Variants in SLC8A1 observed in about 807,000 individuals in gnomAD.
SLC8A1 encodes solute carrier family 8 member A1.
SLC8A1 carries 18 observed loss-of-function variants against 68.3 expected under a neutral mutation model. That is an observed-to-expected ratio of 0.26 (90% confidence interval 0.18 to 0.39). SLC8A1 has a LOEUF of 0.39. Ranked by LOEUF, SLC8A1 falls within the 10% of genes least tolerant of loss-of-function variation. The pLI is 1.00. For synonymous variants in SLC8A1, 475 were observed against 415.5 expected, an observed-to-expected ratio of 1.14 and a Z score of -1.74; for missense variants, 985 against 1,156.7, an observed-to-expected ratio of 0.85 and a Z score of 2.15.
Position 40,247,448 on chromosome 2 carries a change from G to C in SLC8A1, c.1809-69593C>G, listed in dbSNP as rs1019894148. Among the ~76,000 whole-genome samples, 3 of 147,672 alleles carry C rather than the reference G, an allele frequency of 2.0e-5. No homozygotes were observed. In the South Asian group the frequency reaches 6.3e-4, roughly 31 times the overall value. On this transcript the variant is annotated intron_variant, in intron 2 of 7. Transcript: ENST00000406785. ...ACAGCATATATATGTGTGTGTGTGT[G>C]TGTGTGTGGAGAGAGAGAGACAGAT...
intron 2 of SLC8A1, among the ~76,000 whole-genome samples, chr2:40,310,909 T>C (rs2073551436): frequency 1.3e-5 from 2 of 152,200 alleles, no homozygotes; most frequent in Non-Finnish European, 2.9e-5. Flanking sequence ...TATTTTTATA[T>C]TAGCTTAAAA....
chr2:40,274,119 C>A (rs1448683819), intron 2 of SLC8A1, among the ~76,000 whole-genome samples: 1 of 150,306 alleles, frequency 6.7e-6, no homozygotes, highest in Admixed American at 6.7e-5. Flanking sequence ...AGTCTGGAGT[C>A]AGAGGGCCCT....
intron 2 of SLC8A1, among the ~76,000 whole-genome samples, chr2:40,283,404 A>G (rs1359762193): frequency 1.3e-5 from 2 of 152,196 alleles, no homozygotes; most frequent in Non-Finnish European, 2.9e-5. Flanking sequence ...AGAATAACGA[A>G]CAGTTATTTG....
chr2:40,280,591 C>T (rs914753100), intron 2 of SLC8A1, among the ~76,000 whole-genome samples: 6 of 152,176 alleles, frequency 3.9e-5, no homozygotes, highest in African/African-American at 1.4e-4. Flanking sequence ...AGCAGAGTGA[C>T]ATTCAGGCAC....
At chr2:40,128,088 TG>T (rs1205447275) in intron 7 of SLC8A1, among the ~76,000 whole-genome samples, 1 of 152,248 alleles carries the variant, frequency 6.6e-6, no homozygotes, top group Non-Finnish European at 1.5e-5. Flanking sequence ...GGAGCAGTGA[TG>T]GGATTCCAGC....
intron 2 of SLC8A1, among the ~76,000 whole-genome samples, chr2:40,203,977 A>C (rs1445964720): frequency 6.6e-6 from 1 of 151,956 alleles, no homozygotes; most frequent in East Asian, 1.9e-4. Context: ...TGGCCTCCCA[A>C]AGTGCTGGGA....
chr2:40,165,641 A>G (rs2046421375), intron 4 of SLC8A1, among the ~76,000 whole-genome samples: 1 of 152,204 alleles, frequency 6.6e-6, no homozygotes, highest in Non-Finnish European at 1.5e-5. Context: ...TTAATCTTAA[A>G]GTAAACAGGG....
Position 40,153,043 on chromosome 2 carries a change from C to T in SLC8A1, c.2161+7722G>A, listed in dbSNP as rs542276538. 1.4e-4 allele frequency among the ~76,000 whole-genome samples: 21 copies of T among 152,110 alleles called. 1 individual carries two copies. Among genetic ancestry groups the T allele is most frequent in the African/African-American group, 5.1e-4 (21 of 41,498 alleles). ...CAAATTCAATTTTGTCAGTACATTTCAAACCGAGAAAATGTCCTAAATGTA... is the reference window on the plus strand; with the variant it reads ...CAAATTCAATTTTGTCAGTACATTTTAAACCGAGAAAATGTCCTAAATGTA... On this transcript the variant is annotated intron_variant, in intron 6 of 7. Coordinates refer to ENST00000406785, the Ensembl canonical transcript of SLC8A1.
At chr2:40,307,604 C>T (rs1387961087) in intron 2 of SLC8A1, among the ~76,000 whole-genome samples, 1 of 152,128 alleles carries the variant, frequency 6.6e-6, no homozygotes, top group African/African-American at 2.4e-5. Context: ...AAAATAACAT[C>T]CCATTTTGGT....
intron 2 of SLC8A1, among the ~76,000 whole-genome samples, chr2:40,226,742 G>A (rs1179435410): frequency 1.3e-5 from 2 of 152,118 alleles, no homozygotes; most frequent in African/African-American, 4.8e-5. Context: ...AGCAAATGCA[G>A]GCATCCAACT....
intron 1 of SLC8A1, among the ~76,000 whole-genome samples, chr2:40,431,166 G>T (rs1698198968): frequency 6.6e-6 from 1 of 151,952 alleles, no homozygotes; most frequent in Non-Finnish European, 1.5e-5. Context: ...AGGCTGGAAA[G>T]GGAGATAAAC....
At chr2:40,149,977 G>A (rs1357664653) in intron 6 of SLC8A1, among the ~76,000 whole-genome samples, 5 of 149,954 alleles carry the variant, frequency 3.3e-5, no homozygotes, top group Non-Finnish European at 7.4e-5. Context: ...TGCAGCAGGA[G>A]CCTTGGGTTC....
intron 2 of SLC8A1, among the ~76,000 whole-genome samples, chr2:40,323,707 A>G (rs765297737): frequency 6.6e-6 from 1 of 152,066 alleles, no homozygotes; most frequent in Non-Finnish European, 1.5e-5. Flanking sequence ...ATACAACAAA[A>G]ACAAACCCTC....
intron 2 of SLC8A1, among the ~76,000 whole-genome samples, chr2:40,398,630 A>G (rs900900522): frequency 6.6e-6 from 1 of 152,260 alleles, no homozygotes; most frequent in Non-Finnish European, 1.5e-5. Flanking sequence ...TGATTTTTAA[A>G]AGTCCCTTTT....
In SLC8A1 at chr2:40,268,874, T is replaced by G. The variant is rs370767218; in HGVS notation, c.1809-91019A>C. On this transcript the variant is annotated intron_variant, in intron 2 of 7. Coordinates refer to ENST00000406785, the Ensembl canonical transcript of SLC8A1. ...CCAAAGGACAAAGTGTGGAATAAAC[T>G]TGTTAAAAGCTATTAACCTCTCAAA... 1.8e-3 allele frequency among the ~76,000 whole-genome samples: 271 copies of G among 152,296 alleles called. 1 individual carries two copies. The highest frequency in any genetic ancestry group is 6.1e-3 in the African/African-American group (255 of 41,580).
chr2:40,485,156 C>A (rs937898326), intron 1 of SLC8A1, among the ~76,000 whole-genome samples: 1 of 152,040 alleles, frequency 6.6e-6, no homozygotes, highest in African/African-American at 2.4e-5. Flanking sequence ...AAGGAGAGAA[C>A]AACCATCCCC....
In SLC8A1 at chr2:40,312,334, T is replaced by A. The variant is rs185165745; in HGVS notation, c.1808+116139A>T. On this transcript the variant is annotated intron_variant, in intron 2 of 7. Transcript: ENST00000406785. Reference sequence around the variant, plus strand: ...ATAAAACAAACTACCAGGGTCATCGTGATGCGCAACTGTGAGGGGTACTAT... The same window carrying A: ...ATAAAACAAACTACCAGGGTCATCGAGATGCGCAACTGTGAGGGGTACTAT... Among the ~76,000 whole-genome samples, 686 of 152,246 alleles carry A rather than the reference T, an allele frequency of 4.5e-3. 16 individuals carry two copies. The highest frequency in any genetic ancestry group is 1.0e-2 in the Admixed American group (152 of 15,258).
Position 40,234,995 on chromosome 2 carries a change from G to A in SLC8A1, c.1809-57140C>T, listed in dbSNP as rs201210056. Among the ~76,000 whole-genome samples the A allele has an allele frequency of 3.0e-4, 45 of 152,190 alleles. No homozygotes were observed. The East Asian group carries it at 5.0e-3, about 17-fold the overall frequency. ...AGCTTTTTGATGTGCTGCTGGATTCGTTTTGCCAGTATTTTATTGAGGATT... is the reference window on the plus strand; with the variant it reads ...AGCTTTTTGATGTGCTGCTGGATTCATTTTGCCAGTATTTTATTGAGGATT... On this transcript the variant is annotated intron_variant, in intron 2 of 7. Coordinates refer to ENST00000406785, the Ensembl canonical transcript of SLC8A1.
intron 6 of SLC8A1, among the ~76,000 whole-genome samples, chr2:40,158,161 A>G (rs1470243351): frequency 1.3e-5 from 2 of 152,244 alleles, no homozygotes; most frequent in African/African-American, 2.4e-5. Context: ...ATTTGTAATA[A>G]GGCAAATTGT....
Sources: gnomAD v4.1 joint callset for allele counts (sites outside exome capture counted in the v4.1 genomes callset) on GRCh38, gnomAD v4.1.1 for gene constraint, MANE v1.5 for transcripts, NCBI Gene and HGNC (gene_info 2026-07-23, HGNC 2026-07-21) for gene names.